Variants in ABCA6 observed in about 807,000 individuals in gnomAD.
ABCA6 encodes ATP binding cassette subfamily A member 6.
A neutral mutation model predicts 191.2 loss-of-function variants in ABCA6; 164 were observed. The observed-to-expected ratio is 0.86, with a 90% CI of 0.76 to 0.98. The LOEUF is 0.98. ABCA6 is among the 50% of genes least tolerant of loss of function. The pLI, the probability that ABCA6 is intolerant of heterozygous loss-of-function variation, is 0.00. For synonymous variants in ABCA6, 636 were observed against 647.7 expected (o/e 0.98, Z 0.27); for missense variants, 1,958 against 1,894.1 (o/e 1.03, Z -0.63).
intron 13 of ABCA6, 39 bp downstream of exon 13, chr17:69,114,723 G>A: frequency 1.3e-6 from 2 of 1,549,034 alleles, no homozygotes; most frequent in Non-Finnish European, 1.8e-6. Context: ...AATTTGGTAA[G>A]TGGTTGGCAG....
chr17:69,127,218 T>G (rs1252375010), intron 8 of ABCA6, among the ~76,000 whole-genome samples: 2 of 152,176 alleles, frequency 1.3e-5, no homozygotes, highest in African/African-American at 4.8e-5. Context: ...AAAATATCTT[T>G]GTAAACTTGG....
In ABCA6 at chr17:69,106,055, T is replaced by C. The variant is rs374714223; in HGVS notation, c.2546A>G (p.Lys849Arg). Reference sequence around the variant, plus strand: ...GGTCAATAACACTTTAGTTTGACGTTTTAACTTTAAGAAACGGAGCCGTGC... The same window carrying C: ...GGTCAATAACACTTTAGTTTGACGTCTTAACTTTAAGAAACGGAGCCGTGC... ...AMARLRFLKL[K>R]RQTKVLLTLL... The change falls in exon 19 of 39, where the codon AAA (lysine) becomes AGA (arginine). Residue 849 changes from lysine to arginine, a missense_variant. Physicochemically the swap from Lys to Arg is conservative, Grantham distance 26 (BLOSUM62 2). Transcript: ENST00000284425. 5.6e-6 allele frequency: 9 copies of C among 1,612,848 alleles called. No homozygotes were observed. The highest frequency in any genetic ancestry group is 4.0e-5 in the African/African-American group (3 of 74,872).
chr17:69,084,577 T>C, intron 32 of ABCA6, 70 bp from the exon 33 acceptor site: 1 of 1,341,112 alleles, frequency 7.5e-7, no homozygotes, highest in South Asian at 1.2e-5. Context: ...CACAGAACAG[T>C]AACAGCATTA....
At chr17:69,118,842 A>C (rs1013029088) in intron 10 of ABCA6, among the ~76,000 whole-genome samples, 3 of 151,938 alleles carry the variant, frequency 2.0e-5, no homozygotes, top group Non-Finnish European at 4.4e-5. Context: ...TTGTTTTAGC[A>C]TCAACCTAAT....
chr17:69,128,254 A>G (rs1032654882), intron 8 of ABCA6, among the ~76,000 whole-genome samples: 1 of 152,076 alleles, frequency 6.6e-6, no homozygotes, highest in African/African-American at 2.4e-5. Flanking sequence ...AAAGTTTTTC[A>G]TATTCATAGT....
At chr17:69,101,030 G>T in intron 21 of ABCA6, 96 bp from the exon 22 acceptor site, 1 of 1,032,948 alleles carries the variant, frequency 9.7e-7, no homozygotes, top group Non-Finnish European at 1.4e-6. Flanking sequence ...CCACATGCTT[G>T]TTGTGTGTCC....
intron 18 of ABCA6, among the ~76,000 whole-genome samples, chr17:69,106,957 C>T (rs1444347961): frequency 6.6e-6 from 1 of 152,118 alleles, no homozygotes; most frequent in Non-Finnish European, 1.5e-5. Context: ...TATCATTCCT[C>T]TGAGGGATTT....
At chr17:69,087,611 C>T (rs1200514543) in intron 28 of ABCA6, 138 bp from the exon 29 acceptor site, 21 of 1,202,564 alleles carry the variant, frequency 1.7e-5, no homozygotes, top group Non-Finnish European at 2.4e-5. Context: ...GTCAATATTG[C>T]TTCTGCTTTT....
At chr17:69,111,330 G>A (rs2073418030) in intron 16 of ABCA6, 1 of 154,834 alleles carries the variant, frequency 6.5e-6, no homozygotes, top group African/African-American at 2.4e-5. Context: ...GCTTTGTTTG[G>A]CCATAGGGTT....
At chr17:69,110,678 T>G in intron 17 of ABCA6, 123 bp downstream of exon 17, 2 of 1,143,928 alleles carry the variant, frequency 1.7e-6, no homozygotes, top group Non-Finnish European at 2.4e-6. Context: ...CCTCTTGAGT[T>G]CTGCTTCTCA....
At chr17:69,139,864 G>A (rs145528226) in intron 2 of ABCA6, among the ~76,000 whole-genome samples, 9,812 of 148,442 alleles carry the variant, frequency 0.066, 447 homozygotes, top group Admixed American at 0.15. Flanking sequence ...ACCAAACACC[G>A]CATGTTCTCA....
Position 69,089,550 on chromosome 17 carries a change from G to A in ABCA6, c.3529-8C>T, listed in dbSNP as rs1555646709. 32 of 1,609,654 alleles carry A rather than the reference G, an allele frequency of 2.0e-5. No individual in the cohort carries two copies. Among genetic ancestry groups the A allele is most frequent in the Non-Finnish European group, 2.5e-5 (29 of 1,177,708 alleles). ...GTAGTGCTCCTGGTCTCTCTGAAAAGACAAAACAAAACACACACACACTAA... is the reference window on the plus strand; with the variant it reads ...GTAGTGCTCCTGGTCTCTCTGAAAAAACAAAACAAAACACACACACACTAA... On this transcript the variant is annotated splice_polypyrimidine_tract_variant and splice_region_variant and intron_variant, in intron 26 of 38. Coordinates refer to ENST00000284425, the MANE Select transcript of ABCA6 (RefSeq NM_080284.3).
Position 69,084,326 on chromosome 17 carries a change from G to A in ABCA6, c.4290C>T (p.Asn1430=). The A allele has an allele frequency of 6.2e-7, 1 of 1,614,166 alleles. No homozygotes were observed. Among genetic ancestry groups the A allele is most frequent in the Non-Finnish European group, 8.5e-7 (1 of 1,180,016 alleles). ...KLCFVLSLLG[N]SPVLLLDEPS... ...GTTCATCCAGGAGCAAGACAGGTGA[G>A]TTTCCCAGGAGGCTCAGCACAAAAC... The change falls in exon 34 of 39, where the codon AAC becomes AAT. Residue 1430 remains asparagine, a synonymous_variant. Coordinates refer to ENST00000284425, the MANE Select transcript of ABCA6 (RefSeq NM_080284.3).
intron 37 of ABCA6, among the ~76,000 whole-genome samples, chr17:69,079,893 TA>T (rs904431000): frequency 1.3e-5 from 2 of 152,224 alleles, no homozygotes; most frequent in African/African-American, 4.8e-5. Context: ...TTAATGATGA[TA>T]GTGGCTTTAA....
At chr17:69,115,278 T>C in intron 12 of ABCA6, 98 bp downstream of exon 12, 1 of 832,376 alleles carries the variant, frequency 1.2e-6, no homozygotes. Context: ...ACATTATTTC[T>C]CTTAAGCCAT....
At position 69,097,997 on chromosome 17, in the gene ABCA6, C is replaced by T. The variant is rs765246626; in HGVS notation, c.3043G>A (p.Asp1015Asn). Residue 1015 changes from aspartate (D) to asparagine (N), a missense_variant, in exon 23 of 39, where the codon GAT becomes AAT. Coordinates refer to ENST00000284425, the MANE Select transcript of ABCA6 (RefSeq NM_080284.3). Reference sequence around the variant, plus strand: ...ACCAAAAATAAGAAAAAGGAACCATCCGGCAACCCAGTCCAGAGTCCTATG... The same window carrying T: ...ACCAAAAATAAGAAAAAGGAACCATTCGGCAACCCAGTCCAGAGTCCTATG... ...SHIGLWTGLP[D>N]GSFFLFLVLC... is the part of the protein sequence containing the mutation. 1 of 1,611,882 alleles carries T rather than the reference C, an allele frequency of 6.2e-7. No homozygotes were observed. Among genetic ancestry groups the T allele is most frequent in the South Asian group, 1.1e-5 (1 of 90,758 alleles).
In ABCA6 at chr17:69,084,464, C is replaced by A; in HGVS notation, c.4228G>T (p.Val1410Leu). 6.2e-7 allele frequency: 1 copy of A among 1,614,174 alleles called. No individual in the cohort carries two copies. The highest frequency in any genetic ancestry group is 8.5e-7 in the Non-Finnish European group (1 of 1,180,034). Residue 1410 changes from valine to leucine, a missense_variant, in exon 33 of 39, where the codon GTG becomes TTG. Val to Leu is a conservative substitution (Grantham distance 32). Coordinates refer to ENST00000284425, the MANE Select transcript of ABCA6 (RefSeq NM_080284.3). ...GTGATTCCTGCTGTTAATTTCTGCACAGGAACATTCAGCTGCTCATGCAGT... is the reference window on the plus strand; with the variant it reads ...GTGATTCCTGCTGTTAATTTCTGCAAAGGAACATTCAGCTGCTCATGCAGT... Reference protein sequence around the residue: ...FKLHEQLNVPVQKLTAGITRK... With the variant: ...FKLHEQLNVPLQKLTAGITRK...
intron 13 of ABCA6, among the ~76,000 whole-genome samples, chr17:69,113,965 G>C (rs1272279115): frequency 6.6e-6 from 1 of 152,050 alleles, no homozygotes; most frequent in Non-Finnish European, 1.5e-5. Flanking sequence ...CACTGTTGGT[G>C]GGACTGTAAA....
chr17:69,117,999 G>T, intron 10 of ABCA6, 43 bp from the exon 11 acceptor site: 1 of 1,420,400 alleles, frequency 7.0e-7, no homozygotes, highest in Non-Finnish European at 9.8e-7. Flanking sequence ...ACACAGAAGT[G>T]AAAATAGCAC....
Sources: gnomAD v4.1 joint callset for allele counts (sites outside exome capture counted in the v4.1 genomes callset) on GRCh38, gnomAD v4.1.1 for gene constraint, MANE v1.5 for transcripts, NCBI Gene and HGNC (gene_info 2026-07-23, HGNC 2026-07-21) for gene names.